AFF3: variants seen among roughly 807,000 people sequenced by gnomAD.
The protein encoded by AFF3 is ALF transcription elongation factor 3.
In AFF3, 32 loss-of-function variants were observed where a neutral mutation model predicts 129.7. The observed-to-expected ratio is 0.25, with a 90% CI of 0.19 to 0.33. AFF3 has a LOEUF of 0.33. AFF3 is among the 10% of genes least tolerant of loss of function. The pLI is 1.00. For synonymous variants in AFF3, 644 were observed against 635.4 expected, an observed-to-expected ratio of 1.01 and a Z score of -0.20; for missense variants, 1,373 against 1,592.0, an observed-to-expected ratio of 0.86 and a Z score of 2.34.
chr2:99,845,708 C>T lies in AFF3; in HGVS notation c.874-8184G>A, dbSNP rs541263363. On this transcript the variant is annotated intron_variant, in intron 7 of 24. Coordinates refer to ENST00000672756, the MANE Select transcript of AFF3 (RefSeq NM_001386135.1). ...TACCAAGAAGAAGATCACACAGGTT[C>T]AGGCAGGAGTGACAATGCTGAAGTC... Among the ~76,000 whole-genome samples the T allele has an allele frequency of 8.5e-5, 13 of 152,304 alleles. No homozygotes were observed. In the East Asian group the frequency reaches 1.7e-3, roughly 20 times the overall value.
intron 7 of AFF3, among the ~76,000 whole-genome samples, chr2:99,915,547 G>T (rs931112520): frequency 6.6e-6 from 1 of 152,156 alleles, no homozygotes; most frequent in Non-Finnish European, 1.5e-5. Context: ...AGGGCTATCC[G>T]ACGCAGGCAC....
At chr2:99,665,958 G>T (rs780009789) in intron 12 of AFF3, among the ~76,000 whole-genome samples, 1 of 152,148 alleles carries the variant, frequency 6.6e-6, no homozygotes, top group Non-Finnish European at 1.5e-5. Context: ...GGTCATTGGG[G>T]GCCCAATGAG....
intron 8 of AFF3, among the ~76,000 whole-genome samples, chr2:99,831,789 C>T (rs771522596): frequency 3.1e-4 from 47 of 152,300 alleles, no homozygotes; most frequent in East Asian, 5.8e-4. Context: ...CACACACATA[C>T]GAGGCCAGTA....
At chr2:99,711,817 G>A (rs1464631697) in intron 11 of AFF3, among the ~76,000 whole-genome samples, 1 of 152,178 alleles carries the variant, frequency 6.6e-6, no homozygotes, top group East Asian at 1.9e-4. Context: ...TTGGGAGGAA[G>A]CACAGGCAGT....
At chr2:100,069,518 AC>A in intron 4 of AFF3, among the ~76,000 whole-genome samples, 1 of 152,320 alleles carries the variant, frequency 6.6e-6, no homozygotes, top group East Asian at 1.9e-4. Context: ...TACCTAGAAA[AC>A]AGTCATAGTC....
chr2:100,087,404 T>G (rs1689532241), intron 4 of AFF3, among the ~76,000 whole-genome samples: 1 of 152,174 alleles, frequency 6.6e-6, no homozygotes, highest in African/African-American at 2.4e-5. Flanking sequence ...TTGAATGACT[T>G]GCACAAGATC....
chr2:99,763,232 G>T (rs1416331649), intron 8 of AFF3, among the ~76,000 whole-genome samples: 1 of 152,204 alleles, frequency 6.6e-6, no homozygotes, highest in East Asian at 1.9e-4. Context: ...CCAGGGTCAG[G>T]CTGGAAGGCT....
intron 13 of AFF3, among the ~76,000 whole-genome samples, chr2:99,627,712 A>G (rs576928316): frequency 6.6e-6 from 1 of 152,220 alleles, no homozygotes; most frequent in East Asian, 1.9e-4. Context: ...GGGGTTTTAT[A>G]CTTAAGTCTT....
intron 4 of AFF3, among the ~76,000 whole-genome samples, chr2:100,083,071 C>A (rs938724478): frequency 1.3e-5 from 2 of 151,880 alleles, no homozygotes; most frequent in Middle Eastern, 6.3e-3. Flanking sequence ...GCCTGGGCAA[C>A]AAGAGCAAAA....
intron 4 of AFF3, among the ~76,000 whole-genome samples, chr2:100,021,224 AACCAT>A (rs1683566364): frequency 2.0e-5 from 3 of 152,270 alleles, no homozygotes; most frequent in African/African-American, 7.2e-5. Flanking sequence ...TCCTTTATTA[AACCAT>A]ACCATAAGAA....
rs150076260 is a variant in AFF3 at position 99,928,083 on chromosome 2, G to A, written c.873+78549C>T. On this transcript the variant is annotated intron_variant, in intron 7 of 24. Transcript: ENST00000672756. Reference sequence around the variant, plus strand: ...CTCCTCCTTGCCTTCCGCCATGATTGTGAGGCCTCCCTAGCCACGTGGAAC... The same window carrying A: ...CTCCTCCTTGCCTTCCGCCATGATTATGAGGCCTCCCTAGCCACGTGGAAC... Among the ~76,000 whole-genome samples the A allele has an allele frequency of 2.0e-3, 303 of 152,302 alleles. 1 individual carries two copies. The highest frequency in any genetic ancestry group is 2.6e-3 in the African/African-American group (109 of 41,574).
intron 8 of AFF3, among the ~76,000 whole-genome samples, chr2:99,795,002 G>C (rs1685461731): frequency 2.0e-5 from 3 of 152,104 alleles, no homozygotes; most frequent in African/African-American, 2.4e-5. Flanking sequence ...TCACTCTCCA[G>C]CTTAAAACCC....
At chr2:99,826,386 G>T (rs995709102) in intron 8 of AFF3, among the ~76,000 whole-genome samples, 1 of 152,148 alleles carries the variant, frequency 6.6e-6, no homozygotes, top group Non-Finnish European at 1.5e-5. Context: ...GATAACAACA[G>T]CCCAGGAGAA....
intron 8 of AFF3, among the ~76,000 whole-genome samples, chr2:99,797,355 T>C (rs1196053371): frequency 6.6e-6 from 1 of 151,904 alleles, no homozygotes; most frequent in Non-Finnish European, 1.5e-5. Context: ...AAGAAAACAT[T>C]AGTGAGCTTG....
rs1674386600 is a variant in AFF3, at chr2:99,551,279, A to G, written c.*195T>C. ...TGTTCTGAAGAGCTGTGTATCTTAC[A>G]CACATACACAGGCGGCTTCTTATAT... On this transcript the variant is annotated 3_prime_UTR_variant, in exon 25 of 25. Transcript: ENST00000672756. 1 of 681,132 alleles carries G rather than the reference A, an allele frequency of 1.5e-6. No homozygotes were observed. Among genetic ancestry groups the G allele is most frequent in the African/African-American group, 1.8e-5 (1 of 55,332 alleles). 42.2% of individuals were successfully genotyped at this position (681,132 alleles called of 1,614,324 possible). A position where few individuals can be genotyped will look rare whatever the true frequency, so the allele number is the denominator to read the frequency against.
At chr2:99,673,294 A>AC (rs1237145951) in intron 11 of AFF3, among the ~76,000 whole-genome samples, 1 of 152,064 alleles carries the variant, frequency 6.6e-6, no homozygotes, top group East Asian at 1.9e-4. Context: ...CCAAGATCCT[A>AC]CCTAGTGGGG....
At chr2:100,133,316 G>A (rs888888757) in intron 1 of AFF3, among the ~76,000 whole-genome samples, 1 of 151,920 alleles carries the variant, frequency 6.6e-6, no homozygotes, top group African/African-American at 2.4e-5. Context: ...AAAACACCCT[G>A]CACTCATCCA....
In AFF3 at chr2:99,557,918, C is replaced by T. The variant is rs372128903; in HGVS notation, c.3285+957G>A. ...ATAGAGACGGCATAATTTCTAGTTT[C>T]TATAGATAAACAGAGAAGAGGACCA... On this transcript the variant is annotated intron_variant, in intron 22 of 24. Coordinates refer to ENST00000672756, the MANE Select transcript of AFF3 (RefSeq NM_001386135.1). 4.6e-5 allele frequency among the ~76,000 whole-genome samples: 7 copies of T among 152,276 alleles called. No homozygotes were observed. In the East Asian group the frequency reaches 9.7e-4, roughly 21 times the overall value.
chr2:99,768,156 A>G (rs1248831707), intron 8 of AFF3, among the ~76,000 whole-genome samples: 1 of 152,182 alleles, frequency 6.6e-6, no homozygotes, highest in African/African-American at 2.4e-5. Flanking sequence ...TTAGTTTTTA[A>G]TTGAAAAAGT....
Sources: gnomAD v4.1 joint callset for allele counts (sites outside exome capture counted in the v4.1 genomes callset) on GRCh38, gnomAD v4.1.1 for gene constraint, MANE v1.5 for transcripts, NCBI Gene and HGNC (gene_info 2026-07-23, HGNC 2026-07-21) for gene names.